PCDH15: variants seen among roughly 807,000 people sequenced by gnomAD.
PCDH15 encodes the protein protocadherin-15.
A neutral mutation model predicts 178.5 loss-of-function variants in PCDH15; 129 were observed. The ratio of observed to expected loss-of-function variants is 0.72; its 90% CI spans 0.63 to 0.84. The LOEUF (loss-of-function observed/expected upper bound fraction) is 0.84. PCDH15 is among the 40% of genes least tolerant of loss of function. The pLI is 0.00. For missense variants in PCDH15, 2,230 were observed against 2,099.9 expected, an observed-to-expected ratio of 1.06 and a Z score of -1.21; for synonymous variants, 800 against 732.0, an observed-to-expected ratio of 1.09 and a Z score of -1.50.
intron 8 of PCDH15, among the ~76,000 whole-genome samples, chr10:54,240,621 TTTTGC>T (rs1341385972): frequency 0.015 from 2,079 of 137,048 alleles, 34 homozygotes; most frequent in African/African-American, 0.036. Flanking sequence ...ATTTATTTTC[TTTTGC>T]TTTTTTTTTT....
intron 2 of PCDH15, among the ~76,000 whole-genome samples, chr10:55,153,929 A>G (rs1156941267): frequency 1.3e-5 from 2 of 152,208 alleles, no homozygotes; most frequent in African/African-American, 4.8e-5. Context: ...TAAGGATGGA[A>G]ACACATTTAA....
chr10:54,023,247 C>T (rs1313424386), intron 18 of PCDH15, 50 bp from the exon 19 acceptor site: 1 of 1,545,886 alleles, frequency 6.5e-7, no homozygotes. Flanking sequence ...TTTTGACGGG[C>T]TACTGTAAAT....
intron 3 of PCDH15, among the ~76,000 whole-genome samples, chr10:54,860,955 T>C (rs1036938955): frequency 1.3e-5 from 2 of 152,166 alleles, no homozygotes; most frequent in African/African-American, 2.4e-5. Context: ...AATCTTCTTT[T>C]TAATGGTATG....
chr10:54,831,770 T>C (rs983764486), intron 3 of PCDH15, among the ~76,000 whole-genome samples: 1 of 152,008 alleles, frequency 6.6e-6, no homozygotes, highest in African/African-American at 2.4e-5. Flanking sequence ...GTATAGAGAT[T>C]TTACTACCAA....
chr10:54,498,908 C>T (rs2080377597), intron 3 of PCDH15, among the ~76,000 whole-genome samples: 1 of 152,052 alleles, frequency 6.6e-6, no homozygotes, highest in Admixed American at 6.6e-5. Flanking sequence ...GTAGGCACTT[C>T]CTCACATGGC....
chr10:54,707,583 A>C (rs975927284), intron 1 of PCDH15, among the ~76,000 whole-genome samples: 4 of 152,220 alleles, frequency 2.6e-5, no homozygotes, highest in African/African-American at 9.6e-5. Context: ...TGTAGATTTA[A>C]GATTCCTGAA....
intron 2 of PCDH15, among the ~76,000 whole-genome samples, chr10:55,028,001 C>T (rs1422255093): frequency 6.6e-6 from 1 of 151,420 alleles, no homozygotes. Flanking sequence ...CCACAAAAAA[C>T]TCAATCTGTG....
At chr10:55,411,005 T>G (rs1188162927) in intron 2 of PCDH15, among the ~76,000 whole-genome samples, 1 of 151,736 alleles carries the variant, frequency 6.6e-6, no homozygotes, top group Admixed American at 6.6e-5. Context: ...ACTTACTATT[T>G]TATAAGCAAT....
chr10:54,171,376 A>G lies in PCDH15; in HGVS notation c.1590+12068T>C, dbSNP rs371416957. 2.2e-4 allele frequency among the ~76,000 whole-genome samples: 34 copies of G among 152,318 alleles called. No individual in the cohort carries two copies. In the East Asian group the frequency reaches 5.8e-3, roughly 26 times the overall value. On this transcript the variant is annotated intron_variant, in intron 13 of 37. Transcript: ENST00000644397. ...CTTCTCAGAATTCAGGCCTGTCCTC[A>G]GAATGCTACAGGGGTACAGCCCATT... is the stretch of plus-strand genomic sequence containing the variant.
intron 21 of PCDH15, among the ~76,000 whole-genome samples, chr10:53,967,211 T>G (rs993712425): frequency 6.6e-6 from 1 of 152,158 alleles, no homozygotes; most frequent in Non-Finnish European, 1.5e-5. Context: ...TTCCCCCTTT[T>G]GCTTGGCACT....
intron 1 of PCDH15, among the ~76,000 whole-genome samples, chr10:55,200,845 T>G (rs1840225677): frequency 1.3e-5 from 2 of 152,062 alleles, no homozygotes; most frequent in African/African-American, 4.8e-5. Flanking sequence ...TTAAGGTATG[T>G]GGGCTTCCCC....
chr10:55,607,317 A>C (rs1246234145), intron 2 of PCDH15, among the ~76,000 whole-genome samples: 1 of 150,768 alleles, frequency 6.6e-6, no homozygotes, highest in Non-Finnish European at 1.5e-5. Context: ...AAACTAGTTC[A>C]ACCATTGTGG....
chr10:54,498,030 G>C (rs950580773), intron 3 of PCDH15, among the ~76,000 whole-genome samples: 4 of 151,200 alleles, frequency 2.6e-5, no homozygotes, highest in South Asian at 2.1e-4. Flanking sequence ...TAACATGAAA[G>C]AAAAAAAATA....
At chr10:54,950,527 C>T (rs976047374) in intron 2 of PCDH15, among the ~76,000 whole-genome samples, 8 of 152,038 alleles carry the variant, frequency 5.3e-5, no homozygotes, top group African/African-American at 1.9e-4. Flanking sequence ...TTTCCTTCTG[C>T]CATGATTGTG....
intron 11 of PCDH15, among the ~76,000 whole-genome samples, chr10:54,189,983 A>G (rs1033782623): frequency 1.5e-4 from 22 of 151,518 alleles, no homozygotes; most frequent in African/African-American, 4.9e-4. Context: ...GTCTACATCT[A>G]TATAGCAATA....
chr10:53,809,069 G>A (rs866152374), intron 37 of PCDH15: 5 of 1,613,368 alleles, frequency 3.1e-6, no homozygotes, highest in Non-Finnish European at 4.2e-6. Flanking sequence ...CTTCTTGCAA[G>A]CACAATGTTT....
At chr10:54,804,207 T>G (rs1213997788), upstream of PCDH15, among the ~76,000 whole-genome samples, 1 of 152,066 alleles carries the variant, frequency 6.6e-6, no homozygotes, top group African/African-American at 2.4e-5. Flanking sequence ...GCCCAGCTAA[T>G]TTTTTGCATT....
At chr10:55,303,148 T>C (rs1843330578) in intron 1 of PCDH15, among the ~76,000 whole-genome samples, 1 of 152,080 alleles carries the variant, frequency 6.6e-6, no homozygotes, top group Non-Finnish European at 1.5e-5. Context: ...TAAGAAATAT[T>C]CATGACAGTT....
intron 14 of PCDH15, among the ~76,000 whole-genome samples, chr10:54,140,326 C>T (rs2043278933): frequency 6.6e-6 from 1 of 152,084 alleles, no homozygotes; most frequent in South Asian, 2.1e-4. Context: ...AGTGGTACTG[C>T]TGGACTTAAA....
Sources: gnomAD v4.1 joint callset for allele counts (sites outside exome capture counted in the v4.1 genomes callset) on GRCh38, gnomAD v4.1.1 for gene constraint, MANE v1.5 for transcripts, NCBI Gene and HGNC (gene_info 2026-07-23, HGNC 2026-07-21) for gene names.